The following PCDHGB1 variants were observed in gnomAD, a reference collection of about 807,000 sequenced individuals.
PCDHGB1 encodes the protein protocadherin gamma subfamily B, 1, also known as protocadherin gamma-B1.
PCDHGB1 carries 34 observed loss-of-function variants against 56.6 expected under a neutral mutation model. The ratio of observed to expected loss-of-function variants is 0.60; its 90% confidence interval spans 0.46 to 0.80. The LOEUF is 0.80. PCDHGB1 is among the 30% of genes least tolerant of loss of function. The pLI, the probability that PCDHGB1 is intolerant of heterozygous loss-of-function variation, is 0.00. For missense variants in PCDHGB1, 1,278 were observed against 1,204.6 expected (o/e 1.06, Z -0.90); for synonymous variants, 561 against 505.9 (o/e 1.11, Z -1.46).
At chr5:141,495,558 A>G (rs2099762084) in intron 2 of PCDHGB1, among the ~76,000 whole-genome samples, 1 of 151,662 alleles carries the variant, frequency 6.6e-6, no homozygotes, top group Admixed American at 6.6e-5. Flanking sequence ...TCGCTTTGCA[A>G]TCTCTGCCTC....
At chr5:141,488,705 G>C (rs1024064135) in intron 1 of PCDHGB1, among the ~76,000 whole-genome samples, 8 of 152,200 alleles carry the variant, frequency 5.3e-5, no homozygotes, top group Non-Finnish European at 1.2e-4. Context: ...AGATTTTGCT[G>C]GTTCAAGCAA....
rs111263562 is a variant in PCDHGB1, at chr5:141,487,812, T to C, written c.2410-6995T>C. The C allele has an allele frequency of 1.1e-4, 148 of 1,408,204 alleles. 1 individual carries two copies. Among genetic ancestry groups the C allele is most frequent in the South Asian group, 1.6e-4 (12 of 73,988 alleles). The allele number at this position is 1,408,204 out of a possible 1,614,324, so 87.2% of individuals were successfully genotyped here. On this transcript the variant is annotated intron_variant, in intron 1 of 3. Coordinates refer to ENST00000523390, the MANE Select transcript of PCDHGB1 (RefSeq NM_018922.3). The surrounding 1 kb of genome is among the most constrained non-coding windows in gnomAD (Gnocchi z 5.0). ...TAACCAGAGTTGTCACAGTTTAGCA[T>C]TGGGGGCGGGTCATGCCTATATCTG...
chr5:141,355,780 C>G (rs766045044), intron 1 of PCDHGB1: 22 of 1,613,712 alleles, frequency 1.4e-5, no homozygotes, highest in Non-Finnish European at 1.9e-5. Context: ...GTACCCAGAG[C>G]TGGTGCTGGA....
chr5:141,388,032 C>T (rs747852798), intron 1 of PCDHGB1: 3 of 1,431,396 alleles, frequency 2.1e-6, no homozygotes, highest in Non-Finnish European at 1.9e-6. Flanking sequence ...AGTGGGGAAC[C>T]TCGCCACGGA....
intron 1 of PCDHGB1, chr5:141,388,735 C>A: frequency 6.2e-7 from 1 of 1,613,974 alleles, no homozygotes; most frequent in East Asian, 2.2e-5. Context: ...TTCAGTGAAG[C>A]TAGCCAGATC....
intron 1 of PCDHGB1, chr5:141,410,466 G>A (rs536543649): frequency 6.2e-7 from 1 of 1,613,908 alleles, no homozygotes; most frequent in African/African-American, 1.3e-5. Context: ...TATAATCTGT[G>A]CATTGCACAT....
intron 1 of PCDHGB1, among the ~76,000 whole-genome samples, chr5:141,353,220 T>C (rs796371145): frequency 2.0e-5 from 3 of 152,298 alleles, no homozygotes; most frequent in African/African-American, 7.2e-5. Flanking sequence ...TCCTAGATGT[T>C]AACACTTAGT....
In PCDHGB1 at chr5:141,357,452, A is replaced by T. The variant is rs191856685; in HGVS notation, c.2409+4783A>T. On this transcript the variant is annotated intron_variant, in intron 1 of 3. Coordinates refer to ENST00000523390, the MANE Select transcript of PCDHGB1 (RefSeq NM_018922.3). ...GTGGACGGGGTTCGGGCTTTCCTGCAGACCTATTCCCACGAGGTCTCCCTC... is the reference window on the plus strand; with the variant it reads ...GTGGACGGGGTTCGGGCTTTCCTGCTGACCTATTCCCACGAGGTCTCCCTC... 2.9e-4 allele frequency: 471 copies of T among 1,614,228 alleles called. No individual in the cohort carries two copies. The highest frequency in any genetic ancestry group is 3.7e-4 in the Non-Finnish European group (441 of 1,180,050).
intron 1 of PCDHGB1, chr5:141,409,394 T>C: frequency 1.9e-6 from 3 of 1,614,008 alleles, no homozygotes; most frequent in Non-Finnish European, 2.5e-6. Flanking sequence ...TTATTCTTCT[T>C]CCAATAACTA....
chr5:141,421,837 G>A, intron 1 of PCDHGB1: 1 of 1,613,782 alleles, frequency 6.2e-7, no homozygotes. Flanking sequence ...CCTGGACCGA[G>A]AGAAAGAGGC....
chr5:141,494,680 C>G (rs552351026), intron 1 of PCDHGB1, 127 bp from the exon 2 acceptor site: 2 of 1,560,096 alleles, frequency 1.3e-6, no homozygotes, highest in East Asian at 4.6e-5. Context: ...CCACCCCTGC[C>G]CCCTCTTAGT....
intron 3 of PCDHGB1, among the ~76,000 whole-genome samples, chr5:141,508,579 G>A (rs569867127): frequency 6.6e-6 from 1 of 152,234 alleles, no homozygotes; most frequent in East Asian, 1.9e-4. Flanking sequence ...ACCCACTCGG[G>A]GTGCTACTCA....
At chr5:141,372,747 G>C (rs749618566) in intron 1 of PCDHGB1, 2 of 1,613,418 alleles carry the variant, frequency 1.2e-6, no homozygotes, top group Non-Finnish European at 1.7e-6. Flanking sequence ...ATGTGATGAA[G>C]CCTCTTGGTT....
chr5:141,415,113 C>T, intron 1 of PCDHGB1: 1 of 1,613,642 alleles, frequency 6.2e-7, no homozygotes, highest in Middle Eastern at 1.7e-4. Context: ...AGCAAAGCCT[C>T]GTAGTGGCCG....
intron 2 of PCDHGB1, among the ~76,000 whole-genome samples, chr5:141,500,793 A>G (rs1245472175): frequency 6.6e-6 from 1 of 152,210 alleles, no homozygotes; most frequent in Non-Finnish European, 1.5e-5. Context: ...ATTTTACAGA[A>G]TAAGTCCTCA....
At position 141,350,687 on chromosome 5, in the gene PCDHGB1, G is replaced by C. The variant is rs367576240; in HGVS notation, c.427G>C (p.Ala143Pro). 1 of 1,614,012 alleles carries C rather than the reference G, an allele frequency of 6.2e-7. No homozygotes were observed. The highest frequency in any genetic ancestry group is 8.5e-7 in the Non-Finnish European group (1 of 1,179,904). ...KGIDLEICES[A>P]LPGVKFSLDS... The stretch of plus-strand genomic sequence containing the variant: ...CATTGACTTAGAAATTTGTGAGTCA[G>C]CCTTACCCGGGGTAAAATTCTCTCT... The change falls in exon 1 of 4, where the codon GCC becomes CCC. Residue 143 changes from alanine to proline, a missense_variant. Physicochemically the swap from Ala to Pro is conservative, Grantham distance 27 (BLOSUM62 -1). Transcript: ENST00000523390.
chr5:141,356,104 A>G lies in PCDHGB1; in HGVS notation c.2409+3435A>G, dbSNP rs763528385. On this transcript the variant is annotated intron_variant, in intron 1 of 3. Transcript: ENST00000523390. ...GTTGAATTCTCTGAGTGGGGATATA[A>G]CAATATTGGGGGGTCTAGATTATGA... 184 of 1,613,800 alleles carry G rather than the reference A, an allele frequency of 1.1e-4. 1 individual carries two copies. In the South Asian group the frequency reaches 1.8e-3, roughly 16 times the overall value.
chr5:141,372,729 G>T, intron 1 of PCDHGB1: 1 of 1,613,602 alleles, frequency 6.2e-7, no homozygotes. Context: ...TGCACCACAA[G>T]ATCTTCTATG....
At chr5:141,414,738 C>T in intron 1 of PCDHGB1, 1 of 1,614,238 alleles carries the variant, frequency 6.2e-7, no homozygotes, top group Non-Finnish European at 8.5e-7. Context: ...TGTATGCACT[C>T]AGATCCTTCG....
Sources: gnomAD v4.1 joint callset for allele counts (sites outside exome capture counted in the v4.1 genomes callset) on GRCh38, gnomAD v4.1.1 for gene constraint, Gnocchi (gnomAD v3.1) non-coding constraint, MANE v1.5 for transcripts, NCBI Gene and HGNC (gene_info 2026-07-23, HGNC 2026-07-21) for gene names.